TAF4B: variants seen among roughly 807,000 people sequenced by gnomAD.
TAF4B encodes transcription initiation factor TFIID subunit 4B.
In TAF4B, 38 loss-of-function variants were observed where a neutral mutation model predicts 86.4. The ratio of observed to expected loss-of-function variants is 0.44; its 90% CI spans 0.34 to 0.58. The LOEUF (loss-of-function observed/expected upper bound fraction) is 0.58. TAF4B is among the 20% of genes least tolerant of loss of function. TAF4B has a pLI of 0.02. For missense variants in TAF4B, 988 were observed against 1,027.6 expected (o/e 0.96, Z 0.53); for synonymous variants, 388 against 391.2 (o/e 0.99, Z 0.10).
At chr18:26,355,624 A>G (rs370741271) in intron 13 of TAF4B, among the ~76,000 whole-genome samples, 1 of 152,170 alleles carries the variant, frequency 6.6e-6, no homozygotes, top group Non-Finnish European at 1.5e-5. Context: ...CCAAAGTATA[A>G]TTTGCAGAAT....
intron 13 of TAF4B, among the ~76,000 whole-genome samples, chr18:26,352,103 A>G (rs192182888): frequency 6.6e-6 from 1 of 152,228 alleles, no homozygotes; most frequent in Admixed American, 6.5e-5. Flanking sequence ...AAGTAGAAAA[A>G]GGGAAACAGA....
At chr18:26,362,863 G>A (rs1428296918) in intron 14 of TAF4B, among the ~76,000 whole-genome samples, 6 of 151,686 alleles carry the variant, frequency 4.0e-5, no homozygotes, top group East Asian at 1.9e-4. Context: ...AAAATTATTC[G>A]GAGGAAAAAA....
At chr18:26,321,857 A>G (rs1443704406) in intron 11 of TAF4B, among the ~76,000 whole-genome samples, 1 of 152,076 alleles carries the variant, frequency 6.6e-6, no homozygotes, top group Non-Finnish European at 1.5e-5. Flanking sequence ...AATAAGTTAA[A>G]TGATTGCATT....
chr18:26,326,159 C>T (rs1473051540), intron 11 of TAF4B, among the ~76,000 whole-genome samples: 1 of 152,178 alleles, frequency 6.6e-6, no homozygotes, highest in Non-Finnish European at 1.5e-5. Context: ...AAAGCTCTCC[C>T]TGTCCCATTG....
chr18:26,335,520 CT>C (rs1301880515), intron 13 of TAF4B, among the ~76,000 whole-genome samples: 1 of 152,084 alleles, frequency 6.6e-6, no homozygotes, highest in African/African-American at 2.4e-5. Flanking sequence ...AAAAAAGAAA[CT>C]TTTGAGATTT....
At chr18:26,316,675 G>A (rs557891864) in intron 10 of TAF4B, among the ~76,000 whole-genome samples, 12 of 152,120 alleles carry the variant, frequency 7.9e-5, no homozygotes, top group African/African-American at 1.9e-4. Flanking sequence ...GTGAGCCACC[G>A]TGCCTGGCTT....
chr18:26,232,427 C>A (rs555129781), intron 1 of TAF4B, among the ~76,000 whole-genome samples: 2 of 152,230 alleles, frequency 1.3e-5, no homozygotes, highest in African/African-American at 4.8e-5. Flanking sequence ...ATTTGGGGTG[C>A]CATTTGTAAG....
chr18:26,314,666 C>G (rs947649749), intron 9 of TAF4B, among the ~76,000 whole-genome samples: 3 of 152,144 alleles, frequency 2.0e-5, no homozygotes, highest in Non-Finnish European at 4.4e-5. Flanking sequence ...AGCTTCTTCC[C>G]AAGGGTCTTT....
intron 5 of TAF4B, among the ~76,000 whole-genome samples, chr18:26,277,402 A>T (rs1263972692): frequency 3.9e-5 from 6 of 152,166 alleles, no homozygotes; most frequent in Non-Finnish European, 1.5e-5. Context: ...TTAACAAATA[A>T]CAGTAAACCC....
chr18:26,284,083 T>C (rs1386993227), intron 6 of TAF4B, among the ~76,000 whole-genome samples: 1 of 152,072 alleles, frequency 6.6e-6, no homozygotes, highest in Non-Finnish European at 1.5e-5. Flanking sequence ...AGCTATATCT[T>C]CTGTATGATT....
At chr18:26,323,616 T>G (rs917381153) in intron 11 of TAF4B, among the ~76,000 whole-genome samples, 2 of 152,114 alleles carry the variant, frequency 1.3e-5, no homozygotes, top group African/African-American at 4.8e-5. Context: ...AATGTTTGTT[T>G]GCTTCATATA....
intron 9 of TAF4B, among the ~76,000 whole-genome samples, chr18:26,311,531 G>A (rs143939812): frequency 6.6e-6 from 1 of 152,254 alleles, no homozygotes; most frequent in Non-Finnish European, 1.5e-5. Flanking sequence ...TGAGGCATGA[G>A]AATCGCTTGA....
At chr18:26,292,199 T>C (rs200771791) in intron 7 of TAF4B, 47 bp from the exon 8 acceptor site, 286 of 1,572,144 alleles carry the variant, frequency 1.8e-4, no homozygotes, top group Middle Eastern at 1.7e-4. Context: ...TATCCTTTTC[T>C]AAAGCCTTAA....
intron 7 of TAF4B, among the ~76,000 whole-genome samples, chr18:26,289,297 A>G (rs1172811988): frequency 6.6e-6 from 1 of 152,238 alleles, no homozygotes; most frequent in African/African-American, 2.4e-5. Flanking sequence ...TATTCCATGC[A>G]GCTTATAAGA....
chr18:26,343,415 A>G (rs2057151287), intron 13 of TAF4B, among the ~76,000 whole-genome samples: 2 of 152,184 alleles, frequency 1.3e-5, no homozygotes, highest in South Asian at 2.1e-4. Flanking sequence ...AACTGGACCA[A>G]CAAACCACCA....
rs1472950512 is a variant in TAF4B, at chr18:26,305,899, C to G, written c.1833-9330C>G. Among the ~76,000 whole-genome samples the G allele has an allele frequency of 9.2e-5, 14 of 152,170 alleles. No individual in the cohort carries two copies. The South Asian group carries it at 2.9e-3, about 32-fold the overall frequency. On this transcript the variant is annotated intron_variant, in intron 9 of 14. Coordinates refer to ENST00000269142, the MANE Select transcript of TAF4B (RefSeq NM_005640.3). Reference sequence around the variant, plus strand: ...ATTAGGTTAATTTGGGTGGTGGGGGCAGAGAATTGGCTTAAAGAATTTTCT... The same window carrying G: ...ATTAGGTTAATTTGGGTGGTGGGGGGAGAGAATTGGCTTAAAGAATTTTCT...
rs1419040868 is a variant in TAF4B at position 26,278,008 on chromosome 18, G to T, written c.882+2955G>T. 2.0e-5 allele frequency among the ~76,000 whole-genome samples: 3 copies of T among 152,080 alleles called. No individual in the cohort carries two copies. The South Asian group carries it at 6.2e-4, about 31-fold the overall frequency. On this transcript the variant is annotated intron_variant, in intron 5 of 14. Transcript: ENST00000269142. ...AATGCTATCCATTGTTTTCTTTACTGTTAGTGGTTTAGTTTGTTGTTGAGA... is the reference window on the plus strand; with the variant it reads ...AATGCTATCCATTGTTTTCTTTACTTTTAGTGGTTTAGTTTGTTGTTGAGA...
At chr18:26,329,800 C>G (rs888859850) in intron 12 of TAF4B, among the ~76,000 whole-genome samples, 6 of 152,044 alleles carry the variant, frequency 3.9e-5, no homozygotes, top group African/African-American at 9.7e-5. Context: ...CCATCTCCCC[C>G]ACTTTTTGAT....
chr18:26,251,029 G>A (rs150092088), intron 1 of TAF4B, among the ~76,000 whole-genome samples: 3 of 152,254 alleles, frequency 2.0e-5, no homozygotes, highest in Admixed American at 2.0e-4. Flanking sequence ...AAACTGTGAC[G>A]TGAAAAATGG....
Sources: allele counts gnomAD v4.1 joint callset (sites outside exome capture counted in the v4.1 genomes callset), GRCh38; gene constraint gnomAD v4.1.1; transcripts MANE v1.5; gene names NCBI Gene and HGNC (gene_info 2026-07-23, HGNC 2026-07-21).